ST3GAL4: variants seen among roughly 807,000 people sequenced by gnomAD.
ST3GAL4 encodes the protein ST3 beta-galactoside alpha-2,3-sialyltransferase 4.
ST3GAL4 carries 24 observed loss-of-function variants against 42.6 expected under a neutral mutation model. That is an observed-to-expected ratio of 0.56 (90% CI 0.41 to 0.79). The LOEUF (loss-of-function observed/expected upper bound fraction) is 0.79, where lower values mean the gene tolerates loss of function less well. ST3GAL4 is among the 30% of genes least tolerant of loss of function. The pLI is 0.00. For synonymous variants in ST3GAL4, 135 were observed against 163.2 expected (o/e 0.83, Z 1.32); for missense variants, 311 against 430.8 (o/e 0.72, Z 2.46).
In ST3GAL4 at chr11:126,373,489, C is replaced by T. The variant is rs576679118; in HGVS notation, c.-61+17647C>T. 6.6e-6 allele frequency among the ~76,000 whole-genome samples: 1 copy of T among 152,162 alleles called. No homozygotes were observed. Among genetic ancestry groups the T allele is most frequent in the Non-Finnish European group, 1.5e-5 (1 of 68,028 alleles). ...CAGAATGGAATTCAAAGCCTCTGCCCCTCCCAGGCAGACACCAAGGTATGA... is the reference window on the plus strand; with the variant it reads ...CAGAATGGAATTCAAAGCCTCTGCCTCTCCCAGGCAGACACCAAGGTATGA... On this transcript the variant is annotated intron_variant, in intron 1 of 10. Transcript: ENST00000444328. The surrounding 1 kb of genome is among the most constrained non-coding windows in gnomAD (Gnocchi z 5.5).
Position 126,396,446 on chromosome 11 carries a change from A to G in ST3GAL4, c.-60-9650A>G, listed in dbSNP as rs1292804896. On this transcript the variant is annotated intron_variant, in intron 1 of 10. Transcript: ENST00000444328. The surrounding 1 kb of genome is among the most constrained non-coding windows in gnomAD (Gnocchi z 5.8). ...CATGGAAGTCTGGTGTCCAGCTGGC[A>G]GGCATTAGTGGTCCCATGAATACAG... 1.3e-5 allele frequency among the ~76,000 whole-genome samples: 2 copies of G among 152,044 alleles called. No individual in the cohort carries two copies. Among genetic ancestry groups the G allele is most frequent in the Non-Finnish European group, 2.9e-5 (2 of 68,032 alleles).
intron 9 of ST3GAL4, among the ~76,000 whole-genome samples, chr11:126,412,468 C>A (rs1440737365): frequency 6.6e-6 from 1 of 152,208 alleles, no homozygotes; most frequent in Non-Finnish European, 1.5e-5. Flanking sequence ...GGCTGCCCGT[C>A]ACTGTGGATG....
chr11:126,412,249 G>A (rs1354486330), intron 9 of ST3GAL4, among the ~76,000 whole-genome samples: 2 of 152,186 alleles, frequency 1.3e-5, no homozygotes, highest in African/African-American at 4.8e-5. Context: ...ATAACACACT[G>A]GTGGTGAAAG....
rs993718031 is a variant in ST3GAL4 at position 126,392,385 on chromosome 11, A to G, written c.-60-13711A>G. On this transcript the variant is annotated intron_variant, in intron 1 of 10. Transcript: ENST00000444328. This position sits in a 1 kb window ranked among gnomAD's most constrained non-coding sequence, Gnocchi z 5.8. ...TGGTTAAGATCAGTCGGACATGACA[A>G]CCTCCAGTTCTGCAGAAGCCACTTC... The G allele has an allele frequency of 8.1e-6, 8 of 985,576 alleles. No individual in the cohort carries two copies. Among genetic ancestry groups the G allele is most frequent in the Non-Finnish European group, 9.6e-6 (8 of 829,866 alleles). The allele number at this position is 985,576 out of a possible 1,614,324, so 61.1% of individuals were successfully genotyped here.
Position 126,398,144 on chromosome 11 carries a change from C to G in ST3GAL4, c.-60-7952C>G, listed in dbSNP as rs1372494743. Reference sequence around the variant, plus strand: ...ATCTAAGTCAGCTGTGGGTAAAACTCAAGGTATGGTTCATCCTGAATCAAA... The same window carrying G: ...ATCTAAGTCAGCTGTGGGTAAAACTGAAGGTATGGTTCATCCTGAATCAAA... On this transcript the variant is annotated intron_variant, in intron 1 of 10. Coordinates refer to ENST00000444328, the MANE Select transcript of ST3GAL4 (RefSeq NM_001254757.2). This position sits in a 1 kb window ranked among gnomAD's most constrained non-coding sequence, Gnocchi z 4.7. Among the ~76,000 whole-genome samples, 2 of 152,216 alleles carry G rather than the reference C, an allele frequency of 1.3e-5. No individual in the cohort carries two copies. The highest frequency in any genetic ancestry group is 4.8e-5 in the African/African-American group (2 of 41,460).
intron 1 of ST3GAL4, chr11:126,403,429 T>G: frequency 1.0e-6 from 1 of 985,436 alleles, no homozygotes; most frequent in Non-Finnish European, 1.2e-6. Flanking sequence ...TCACAAAAGG[T>G]GAAATGAGCT....
Position 126,406,343 on chromosome 11 carries a change from A to G in ST3GAL4, c.17-130A>G. On this transcript the variant is annotated intron_variant, in intron 2 of 10. Transcript: ENST00000444328. The surrounding 1 kb of genome is among the most constrained non-coding windows in gnomAD (Gnocchi z 5.4). ...CAGGGTCAAGCCCTCAGCCAGGGCC[A>G]GGAGAGGGCCAGAGACTGCTTCTGT... 1 of 1,550,630 alleles carries G rather than the reference A, an allele frequency of 6.4e-7. No homozygotes were observed. Among genetic ancestry groups the G allele is most frequent in the South Asian group, 1.2e-5 (1 of 83,700 alleles).
rs1278020286 is a variant in ST3GAL4 at position 126,407,594 on chromosome 11, C to T, written c.301C>T (p.Leu101=). ...KGSEDLLLRV[L]AITSSSIPKN... is the part of the protein sequence containing the mutation. ...TGTAGAGGATCTGCTCCTCCGGGTG[C>T]TAGCCATCACCAGCTCCTCCATCCC... is the stretch of plus-strand genomic sequence containing the variant. The change falls in exon 6 of 11, where the codon CTA becomes TTA. Residue 101 remains leucine, a synonymous_variant. Coordinates refer to ENST00000444328, the MANE Select transcript of ST3GAL4 (RefSeq NM_001254757.2). 19 of 1,614,044 alleles carry T rather than the reference C, an allele frequency of 1.2e-5. No homozygotes were observed. Among genetic ancestry groups the T allele is most frequent in the Non-Finnish European group, 1.4e-5 (17 of 1,180,022 alleles).
At chr11:126,371,003 T>C (rs1040333141) in intron 1 of ST3GAL4, among the ~76,000 whole-genome samples, 4 of 151,594 alleles carry the variant, frequency 2.6e-5, no homozygotes, top group African/African-American at 4.8e-5. Context: ...ATTTCAAATA[T>C]GTAAAAATTA....
At chr11:126,407,972 C>A in intron 6 of ST3GAL4, 127 bp from the exon 7 acceptor site, 1 of 1,095,440 alleles carries the variant, frequency 9.1e-7, no homozygotes, top group Non-Finnish European at 1.3e-6. Flanking sequence ...GGGGTGATGC[C>A]TGCTTCATGG....
rs779837174 is a variant in ST3GAL4, at chr11:126,410,403, G to A, written c.771+992G>A. On this transcript the variant is annotated intron_variant, in intron 9 of 10. Coordinates refer to ENST00000444328, the MANE Select transcript of ST3GAL4 (RefSeq NM_001254757.2). The surrounding 1 kb of genome is among the most constrained non-coding windows in gnomAD (Gnocchi z 5.3). ...GGATGGTGAGAGACAGGCACTAGCA[G>A]ACACAGGTATGGCGCTTGGCTGTGC... 1.3e-5 allele frequency among the ~76,000 whole-genome samples: 2 copies of A among 152,170 alleles called. No homozygotes were observed. The highest frequency in any genetic ancestry group is 2.9e-5 in the Non-Finnish European group (2 of 68,032).
chr11:126,365,740 A>C (rs1056821997), intron 1 of ST3GAL4, among the ~76,000 whole-genome samples: 22 of 152,314 alleles, frequency 1.4e-4, no homozygotes, highest in African/African-American at 4.8e-4. Context: ...AAGGCCTTGC[A>C]GGTTCCTGGA....
intron 1 of ST3GAL4, among the ~76,000 whole-genome samples, chr11:126,361,916 C>G (rs1297855196): frequency 1.3e-5 from 2 of 149,836 alleles, no homozygotes; most frequent in African/African-American, 4.9e-5. Context: ...GAGTCTGGCT[C>G]TATTGCCCAG....
chr11:126,381,743 G>A (rs1019353323), intron 1 of ST3GAL4, among the ~76,000 whole-genome samples: 3 of 151,826 alleles, frequency 2.0e-5, no homozygotes, highest in Admixed American at 1.3e-4. Context: ...CTGGGGTGAG[G>A]TGAGGTCAGG....
In ST3GAL4 at chr11:126,406,604, G is replaced by A. The variant is rs776574738; in HGVS notation, c.101+47G>A. The A allele has an allele frequency of 5.5e-5, 89 of 1,613,382 alleles. No individual in the cohort carries two copies. The highest frequency in any genetic ancestry group is 5.9e-6 in the Non-Finnish European group (7 of 1,179,798). On this transcript the variant is annotated intron_variant, in intron 3 of 10. Coordinates refer to ENST00000444328, the MANE Select transcript of ST3GAL4 (RefSeq NM_001254757.2). This position sits in a 1 kb window ranked among gnomAD's most constrained non-coding sequence, Gnocchi z 5.4. ...TTCCAGTGGCTCTTGTCAGGGACAG[G>A]GCTTAGGGATGGAGCATCATGGAGC...
At chr11:126,372,194 C>T (rs901496429) in intron 1 of ST3GAL4, among the ~76,000 whole-genome samples, 3 of 152,186 alleles carry the variant, frequency 2.0e-5, no homozygotes, top group African/African-American at 7.2e-5. Flanking sequence ...ACTGAAACAT[C>T]CTCCTGCTAG....
At chr11:126,356,423 A>T (rs1952064600) in intron 1 of ST3GAL4, 1 of 152,520 alleles carries the variant, frequency 6.6e-6, no homozygotes, top group African/African-American at 2.4e-5. Context: ...GAGGGATGCG[A>T]TGGGGGGAGT....
At chr11:126,412,585 TAATC>T (rs1272406414) in intron 9 of ST3GAL4, among the ~76,000 whole-genome samples, 1 of 152,214 alleles carries the variant, frequency 6.6e-6, no homozygotes, top group African/African-American at 2.4e-5. Context: ...CTCACGCCTG[TAATC>T]CCAGCGCTTT....
At chr11:126,375,419 C>T (rs1477030887) in intron 1 of ST3GAL4, among the ~76,000 whole-genome samples, 10 of 151,988 alleles carry the variant, frequency 6.6e-5, no homozygotes, top group African/African-American at 2.4e-4. Context: ...GTGGACATCC[C>T]GGGGATCGTG....
Sources: allele counts gnomAD v4.1 joint callset (sites outside exome capture counted in the v4.1 genomes callset), GRCh38; gene constraint gnomAD v4.1.1; non-coding constraint Gnocchi (gnomAD v3.1); transcripts MANE v1.5; gene names NCBI Gene and HGNC (gene_info 2026-07-23, HGNC 2026-07-21).